Variants in UXS1 observed in about 807,000 individuals in gnomAD.
The protein encoded by UXS1 is UDP-glucuronic acid decarboxylase 1.
A neutral mutation model predicts 62.6 loss-of-function variants in UXS1; 33 were observed. The ratio of observed to expected loss-of-function variants is 0.53; its 90% CI spans 0.40 to 0.70. UXS1 has a LOEUF of 0.70. Ranked by LOEUF, UXS1 falls within the 30% of genes least tolerant of loss-of-function variation. The probability of loss-of-function intolerance (pLI) is 0.00; values close to 1 mark genes in which losing one functional copy is unlikely to be tolerated. For synonymous variants in UXS1, 213 were observed against 206.8 expected (o/e 1.03, Z -0.26); for missense variants, 434 against 556.3 (o/e 0.78, Z 2.21).
At chr2:106,177,066 A>G (rs4241223) in intron 1 of UXS1, among the ~76,000 whole-genome samples, 149,185 of 152,314 alleles carry the variant, frequency 0.98, 73,119 homozygotes, top group South Asian at 1. Flanking sequence ...TTTGTAGATG[A>G]TATCTGCACC....
chr2:106,164,159 G>A (rs773485769), intron 3 of UXS1, among the ~76,000 whole-genome samples: 5 of 152,160 alleles, frequency 3.3e-5, no homozygotes, highest in African/African-American at 7.2e-5. Flanking sequence ...TGTAGACACT[G>A]TGGACTCAGG....
intron 5 of UXS1, among the ~76,000 whole-genome samples, chr2:106,153,880 A>G (rs538248084): frequency 6.6e-6 from 1 of 152,350 alleles, no homozygotes; most frequent in South Asian, 2.1e-4. Flanking sequence ...GATAATAAAG[A>G]GAGATTACAA....
At chr2:106,152,494 A>AGAGGGAGG (rs10590942) in intron 5 of UXS1, among the ~76,000 whole-genome samples, 3 of 104,126 alleles carry the variant, frequency 2.9e-5, no homozygotes, top group African/African-American at 3.9e-5. Context: ...AGGGAGGGAG[A>AGAGGGAGG]GAGGGAGGGA....
chr2:106,125,148 C>T lies in UXS1; in HGVS notation c.637+472G>A, dbSNP rs115982585. 2.7e-3 allele frequency among the ~76,000 whole-genome samples: 413 copies of T among 152,300 alleles called. 1 individual carries two copies. The highest frequency in any genetic ancestry group is 9.4e-3 in the African/African-American group (389 of 41,564). ...CTCGTGGGTGTTCTGACACTACCTG[C>T]TTAAGGTTCTTCCAGAACTCGTTAT... On this transcript the variant is annotated intron_variant, in intron 8 of 14. Transcript: ENST00000283148.
chr2:106,187,557 A>G (rs1684639879), intron 1 of UXS1, among the ~76,000 whole-genome samples: 1 of 152,130 alleles, frequency 6.6e-6, no homozygotes, highest in Non-Finnish European at 1.5e-5. Flanking sequence ...CTATTACCAT[A>G]AACACAAAAC....
chr2:106,168,096 G>T (rs770384597), intron 1 of UXS1, among the ~76,000 whole-genome samples: 1 of 152,184 alleles, frequency 6.6e-6, no homozygotes, highest in East Asian at 1.9e-4. Context: ...TGGAAATGGA[G>T]GTTACAGTGG....
chr2:106,194,301 C>CGCG (rs1242896070), upstream of UXS1: 543 of 993,630 alleles, frequency 5.5e-4, no homozygotes, highest in Non-Finnish European at 6.3e-4. Flanking sequence ...CTGCACAATG[C>CGCG]GCGGCGGCGG....
intron 11 of UXS1, chr2:106,102,250 T>C (rs1677657379): frequency 6.6e-6 from 1 of 152,234 alleles, no homozygotes; most frequent in Non-Finnish European, 1.5e-5. Flanking sequence ...TATGGCAGTA[T>C]TGCTACATTA....
At position 106,093,886 on chromosome 2, in the gene UXS1, T is replaced by G; in HGVS notation, c.*140A>C. The G allele has an allele frequency of 8.1e-7, 1 of 1,238,320 alleles. No individual in the cohort carries two copies. Among genetic ancestry groups the G allele is most frequent in the Non-Finnish European group, 1.1e-6 (1 of 937,942 alleles). The allele number at this position is 1,238,320 out of a possible 1,614,324, so 76.7% of individuals were successfully genotyped here. A position where few individuals can be genotyped will look rare whatever the true frequency, so the allele number is the denominator to read the frequency against. ...GAGCTTTTAGGCACATCCATTTCAT[T>G]AAAGCAAGCTTCAGAATGAAATTCC... On this transcript the variant is annotated 3_prime_UTR_variant, in exon 15 of 15. Coordinates refer to ENST00000283148, the MANE Select transcript of UXS1 (RefSeq NM_001253875.2).
At chr2:106,162,762 G>C (rs762204768) in intron 4 of UXS1, among the ~76,000 whole-genome samples, 1 of 152,210 alleles carries the variant, frequency 6.6e-6, no homozygotes, top group South Asian at 2.1e-4. Flanking sequence ...CAGTTTGCTT[G>C]ACTGCTCAGT....
At chr2:106,162,038 C>G (rs977442126) in intron 4 of UXS1, among the ~76,000 whole-genome samples, 9 of 152,250 alleles carry the variant, frequency 5.9e-5, no homozygotes, top group Non-Finnish European at 4.4e-5. Context: ...GAAAAGTAAG[C>G]TAGACGGAGT....
chr2:106,180,368 C>G (rs1043383831), intron 1 of UXS1, among the ~76,000 whole-genome samples: 15 of 152,130 alleles, frequency 9.9e-5, no homozygotes, highest in African/African-American at 2.2e-4. Flanking sequence ...TATCAATGAC[C>G]CTTGCATGTC....
intron 9 of UXS1, among the ~76,000 whole-genome samples, chr2:106,122,727 C>G (rs1346778442): frequency 6.6e-6 from 1 of 152,126 alleles, no homozygotes; most frequent in African/African-American, 2.4e-5. Flanking sequence ...GCATTCTGTT[C>G]ATAGCCATAA....
intron 1 of UXS1, 54 bp downstream of exon 1, chr2:106,194,094 C>T (rs1162917117): frequency 2.2e-6 from 3 of 1,394,694 alleles, no homozygotes; most frequent in African/African-American, 3.0e-5. Context: ...CCCGGCCCAC[C>T]GCGGCGCCGG....
intron 6 of UXS1, among the ~76,000 whole-genome samples, chr2:106,142,155 A>C (rs914000355): frequency 6.6e-6 from 1 of 152,166 alleles, no homozygotes; most frequent in Non-Finnish European, 1.5e-5. Context: ...TATAGGTGTG[A>C]GCCACCATGC....
chr2:106,179,146 C>T (rs1684087750), intron 1 of UXS1, among the ~76,000 whole-genome samples: 1 of 152,144 alleles, frequency 6.6e-6, no homozygotes, highest in South Asian at 2.1e-4. Context: ...ACAGGTGAGG[C>T]ACCCTCTCCA....
At chr2:106,186,611 A>C (rs530742583) in intron 1 of UXS1, among the ~76,000 whole-genome samples, 57 of 152,274 alleles carry the variant, frequency 3.7e-4, no homozygotes, top group African/African-American at 1.2e-3. Context: ...AACCAAATGC[A>C]ACATGTAAAT....
At chr2:106,106,862 G>C (rs1415611354) in intron 10 of UXS1, among the ~76,000 whole-genome samples, 1 of 152,228 alleles carries the variant, frequency 6.6e-6, no homozygotes, top group African/African-American at 2.4e-5. Flanking sequence ...TTTTGGAGAT[G>C]AGGTAATGGA....
In UXS1 at chr2:106,166,063, T is replaced by A. The variant is rs954253612; in HGVS notation, c.115A>T (p.Asn39Tyr). ...YVASVWGNFV[N>Y]MSFLLNRSIQ... Reference sequence around the variant, plus strand: ...GTAATTAAAAACAATTACCTCATATTAACGAAGTTGCCCCAAACAGCTGTA... The same window carrying A: ...GTAATTAAAAACAATTACCTCATATAAACGAAGTTGCCCCAAACAGCTGTA... The change falls in exon 2 of 15, where the codon AAT (asparagine) becomes TAT (tyrosine). Residue 39 changes from asparagine to tyrosine, a missense_variant. This residue lies in a region of UXS1 where 91 missense variants were observed against 71.1 expected (regional missense o/e 1.28). Transcript: ENST00000283148. 1.9e-6 allele frequency: 3 copies of A among 1,611,620 alleles called. No individual in the cohort carries two copies. The highest frequency in any genetic ancestry group is 2.7e-5 in the African/African-American group (2 of 74,984).
Sources: allele counts gnomAD v4.1 joint callset (sites outside exome capture counted in the v4.1 genomes callset), GRCh38; gene constraint gnomAD v4.1.1; regional missense constraint gnomAD v4.1.1; transcripts MANE v1.5; gene names NCBI Gene and HGNC (gene_info 2026-07-23, HGNC 2026-07-21).